Variants in VTCN1 observed in about 807,000 individuals in gnomAD.
The protein encoded by VTCN1 is V-set domain containing T cell activation inhibitor 1.
A neutral mutation model predicts 26.5 loss-of-function variants in VTCN1; 26 were observed. The observed-to-expected ratio is 0.98, with a 90% CI of 0.72 to 1.36. The LOEUF is 1.36. Ranked by LOEUF, VTCN1 falls within the 40% of genes most tolerant of loss-of-function variation. The pLI is 0.00. For missense variants in VTCN1, 298 were observed against 337.7 expected (o/e 0.88, Z 0.92); for synonymous variants, 116 against 130.7 (o/e 0.89, Z 0.77).
intron 2 of VTCN1, among the ~76,000 whole-genome samples, chr1:117,157,431 C>T (rs1355274280): frequency 6.6e-6 from 1 of 152,106 alleles, no homozygotes; most frequent in Non-Finnish European, 1.5e-5. Context: ...AGGCAAAAGG[C>T]ACTTCTTACA....
intron 2 of VTCN1, among the ~76,000 whole-genome samples, chr1:117,158,490 G>A (rs919859709): frequency 3.3e-5 from 5 of 152,206 alleles, no homozygotes; most frequent in Non-Finnish European, 7.3e-5. Context: ...CTGGGATACA[G>A]GAAACCAAGT....
intron 1 of VTCN1, among the ~76,000 whole-genome samples, chr1:117,182,851 A>T (rs1409902217): frequency 6.6e-6 from 1 of 152,006 alleles, no homozygotes; most frequent in Non-Finnish European, 1.5e-5. Context: ...TCCCAACCTG[A>T]TGCTATGTGC....
At chr1:117,192,782 G>T (rs1265115619) in intron 1 of VTCN1, among the ~76,000 whole-genome samples, 1 of 151,994 alleles carries the variant, frequency 6.6e-6, no homozygotes, top group East Asian at 1.9e-4. Context: ...AAGATAAAGA[G>T]AAATGAATCA....
intron 1 of VTCN1, among the ~76,000 whole-genome samples, chr1:117,181,458 G>A (rs1290673869): frequency 1.3e-5 from 2 of 152,180 alleles, no homozygotes; most frequent in Non-Finnish European, 2.9e-5. Context: ...AGGAATCCCT[G>A]TATTCTCATC....
At chr1:117,180,919 C>T (rs1271911088) in intron 1 of VTCN1, among the ~76,000 whole-genome samples, 1 of 152,234 alleles carries the variant, frequency 6.6e-6, no homozygotes, top group East Asian at 1.9e-4. Context: ...TATTCCTCCC[C>T]TTATCCACTC....
chr1:117,152,048 T>C (rs960762331), intron 4 of VTCN1, among the ~76,000 whole-genome samples: 6 of 152,218 alleles, frequency 3.9e-5, no homozygotes, highest in African/African-American at 1.4e-4. Context: ...CATTTTAAAA[T>C]GAGGTTATTT....
At chr1:117,203,350 G>T (rs917804728) in intron 1 of VTCN1, among the ~76,000 whole-genome samples, 2 of 151,886 alleles carry the variant, frequency 1.3e-5, no homozygotes, top group Non-Finnish European at 2.9e-5. Flanking sequence ...AGGAGGTGAG[G>T]CAGGGAGCTA....
chr1:117,191,737 C>T (rs928925233), intron 1 of VTCN1, among the ~76,000 whole-genome samples: 7 of 152,074 alleles, frequency 4.6e-5, no homozygotes, highest in Admixed American at 6.6e-5. Context: ...AGCTGATACA[C>T]GCCATTGCAC....
chr1:117,190,878 C>A (rs545326511), intron 1 of VTCN1, among the ~76,000 whole-genome samples: 1 of 152,306 alleles, frequency 6.6e-6, no homozygotes, highest in Admixed American at 6.5e-5. Flanking sequence ...ATCAGGCAAA[C>A]GTGACACCAC....
chr1:117,170,130 A>C lies in VTCN1; in HGVS notation c.74T>G (p.Leu25Arg). 1 of 1,613,988 alleles carries C rather than the reference A, an allele frequency of 6.2e-7. No homozygotes were observed. The highest frequency in any genetic ancestry group is 8.5e-7 in the Non-Finnish European group (1 of 1,179,928). Residue 25 changes from leucine to arginine, a missense_variant, in exon 2 of 6, where the codon CTC becomes CGC. Transcript: ENST00000369458. ...IIIILAGAIALIIGFGISGRH... is the reference protein window; with the variant it reads ...IIIILAGAIARIIGFGISGRH... The stretch of plus-strand genomic sequence containing the variant: ...ACCTGAAATACCAAAGCCAATGATG[A>C]GTGCAATTGCTCCAGCCAGAATAAT...
In VTCN1 at chr1:117,175,230, T is replaced by G. The variant is rs1647272578; in HGVS notation, c.33-5059A>C. Among the ~76,000 whole-genome samples the G allele has an allele frequency of 6.6e-6, 1 of 152,236 alleles. No homozygotes were observed. The highest frequency in any genetic ancestry group is 2.1e-4 in the South Asian group (1 of 4,836). ...TTAAAGGCAGAGCGCTCGAAACCTA[T>G]GCGACTTTGTAATTAGTCTACTAAC... is the stretch of plus-strand genomic sequence containing the variant. On this transcript the variant is annotated intron_variant, in intron 1 of 5. Transcript: ENST00000369458. The surrounding 1 kb of genome is among the most constrained non-coding windows in gnomAD (Gnocchi z 4.2).
chr1:117,188,072 A>T (rs1248898133), intron 1 of VTCN1, among the ~76,000 whole-genome samples: 2 of 152,122 alleles, frequency 1.3e-5, no homozygotes, highest in African/African-American at 2.4e-5. Flanking sequence ...CTATGTAAAC[A>T]TCCTCCTCCC....
At position 117,147,540 on chromosome 1, in the gene VTCN1, GGC is replaced by G. The variant is rs1651571138; in HGVS notation, c.*45+71_*45+72del. On this transcript the variant is annotated intron_variant, in intron 5 of 5. Coordinates refer to ENST00000369458, the MANE Select transcript of VTCN1 (RefSeq NM_024626.4). This position sits in a 1 kb window ranked among gnomAD's most constrained non-coding sequence, Gnocchi z 4.6. ...GTTTCTTTCTGTGGCTGATGCTGAAGGCTATCCGACTCTCATTAGGAGCACAA... is the reference window on the plus strand; with the variant it reads ...GTTTCTTTCTGTGGCTGATGCTGAAGTATCCGACTCTCATTAGGAGCACAA... The G allele has an allele frequency of 7.8e-7, 1 of 1,277,668 alleles. No homozygotes were observed. The highest frequency in any genetic ancestry group is 1.5e-5 in the African/African-American group (1 of 67,678). 79.1% of individuals were successfully genotyped at this position (1,277,668 alleles called of 1,614,324 possible). A position where few individuals can be genotyped will look rare whatever the true frequency, so the allele number is the denominator to read the frequency against.
chr1:117,185,723 C>T (rs1461736928), intron 1 of VTCN1, among the ~76,000 whole-genome samples: 2 of 152,162 alleles, frequency 1.3e-5, no homozygotes, highest in African/African-American at 4.8e-5. Context: ...TCTTGGTCTC[C>T]ACAAGCTCTT....
At chr1:117,156,153 G>A (rs1292159674) in intron 3 of VTCN1, among the ~76,000 whole-genome samples, 6 of 152,130 alleles carry the variant, frequency 3.9e-5, no homozygotes, top group Non-Finnish European at 4.4e-5. Flanking sequence ...TGTTGTTTTC[G>A]TTTTGGTTAG....
intron 1 of VTCN1, among the ~76,000 whole-genome samples, chr1:117,171,080 A>G (rs142785512): frequency 0.049 from 6,874 of 141,528 alleles, 513 homozygotes; most frequent in African/African-American, 0.17. Flanking sequence ...TTCAACTCCC[A>G]CTTATGAGTG....
At chr1:117,192,028 T>C (rs573442431) in intron 1 of VTCN1, among the ~76,000 whole-genome samples, 45 of 151,694 alleles carry the variant, frequency 3.0e-4, no homozygotes, top group African/African-American at 5.3e-4. Context: ...TATATATATA[T>C]ACACATCCAA....
chr1:117,195,089 C>A, intron 1 of VTCN1, among the ~76,000 whole-genome samples: 1 of 151,656 alleles, frequency 6.6e-6, no homozygotes, highest in Non-Finnish European at 1.5e-5. Flanking sequence ...TAGTGAAACC[C>A]TATCTCTAGT....
In VTCN1 at chr1:117,210,829, G is replaced by T. The variant is rs1257375757; in HGVS notation, c.27C>A (p.Phe9Leu). The T allele has an allele frequency of 6.2e-7, 1 of 1,614,040 alleles. No individual in the cohort carries two copies. The highest frequency in any genetic ancestry group is 1.3e-5 in the African/African-American group (1 of 74,942). MASLGQIL[F>L]WSIISIIIIL... is the part of the protein sequence containing the mutation. ...GAGAGAAGAGTATATACTACCTCCA[G>T]AAGAGGATCTGCCCCAGGGAAGCCA... Residue 9 changes from phenylalanine to leucine, a missense_variant, in exon 1 of 6, where the codon TTC becomes TTA. Coordinates refer to ENST00000369458, the MANE Select transcript of VTCN1 (RefSeq NM_024626.4).
Sources: allele counts gnomAD v4.1 joint callset (sites outside exome capture counted in the v4.1 genomes callset), GRCh38; gene constraint gnomAD v4.1.1; non-coding constraint Gnocchi (gnomAD v3.1); transcripts MANE v1.5; gene names NCBI Gene and HGNC (gene_info 2026-07-23, HGNC 2026-07-21).